Variants in CUL2 observed in about 807,000 individuals in gnomAD.
CUL2 encodes cullin-2.
CUL2 carries 22 observed loss-of-function variants against 110.2 expected under a neutral mutation model. That is an observed-to-expected ratio of 0.20 (90% CI 0.14 to 0.28). CUL2 has a LOEUF of 0.28. CUL2 is among the 10% of genes least tolerant of loss of function. The probability of loss-of-function intolerance (pLI) is 1.00; values close to 1 mark genes in which losing one functional copy is unlikely to be tolerated. For missense variants in CUL2, 631 were observed against 905.5 expected (o/e 0.70, Z 3.89); for synonymous variants, 279 against 293.2 (o/e 0.95, Z 0.49).
chr10:35,091,474 AT>A (rs1183222094), upstream of CUL2, among the ~76,000 whole-genome samples: 1 of 152,156 alleles, frequency 6.6e-6, no homozygotes, highest in Non-Finnish European at 1.5e-5. Flanking sequence ...GTATGTTTCC[AT>A]TATGTGACCT....
At chr10:35,080,458 T>C (rs1369839886) in intron 1 of CUL2, among the ~76,000 whole-genome samples, 1 of 147,672 alleles carries the variant, frequency 6.8e-6, no homozygotes, top group Non-Finnish European at 1.5e-5. Context: ...TATTTATTTA[T>C]TTATTTATTT....
intron 4 of CUL2, 119 bp downstream of exon 4, chr10:35,060,755 G>A: frequency 2.6e-6 from 2 of 781,296 alleles, no homozygotes; most frequent in South Asian, 3.7e-5. Context: ...GTCCATGTCA[G>A]AGAGAATGCT....
chr10:35,112,464 G>C (rs1034048502), intron 1 of CUL2, among the ~76,000 whole-genome samples: 4 of 152,280 alleles, frequency 2.6e-5, no homozygotes, highest in Non-Finnish European at 1.5e-5. Context: ...ACAGAGCATG[G>C]CTCTCTGGCT....
upstream of CUL2, among the ~76,000 whole-genome samples, chr10:35,095,461 C>T (rs528998827): frequency 1.1e-4 from 16 of 152,060 alleles, no homozygotes; most frequent in African/African-American, 3.4e-4. Context: ...TATTTTTATA[C>T]GTATCAGAAC....
intron 1 of CUL2, among the ~76,000 whole-genome samples, chr10:35,113,447 G>A (rs1257986691): frequency 1.7e-5 from 2 of 118,712 alleles, no homozygotes; most frequent in Non-Finnish European, 1.6e-5. Flanking sequence ...GCAGTGAGCC[G>A]ATATCACGCT....
chr10:35,065,807 C>T (rs943472801), intron 2 of CUL2, among the ~76,000 whole-genome samples: 7 of 151,280 alleles, frequency 4.6e-5, no homozygotes, highest in African/African-American at 1.5e-4. Context: ...TGCAGTGAGC[C>T]GAGATCACAC....
In CUL2 at chr10:35,025,214, A is replaced by AC. The variant is rs538007700; in HGVS notation, c.1618-17_1618-16insG. On this transcript the variant is annotated splice_polypyrimidine_tract_variant and intron_variant, in intron 16 of 20. Transcript: ENST00000374749. ...ATAATTCAAACTGTAAAAAAAAAAA[A>AC]AAAACACACATTATTTTTAGCTACT... The AC allele has an allele frequency of 5.3e-4, 823 of 1,561,250 alleles. 3 individuals carry two copies. In the East Asian group the frequency reaches 9.4e-3, roughly 18 times the overall value.
intron 17 of CUL2, 116 bp downstream of exon 17, chr10:35,025,016 G>A: frequency 6.1e-6 from 8 of 1,310,452 alleles, no homozygotes; most frequent in Non-Finnish European, 7.9e-6. Context: ...AATGGGGAAA[G>A]GTTGATGGAG....
intron 17 of CUL2, among the ~76,000 whole-genome samples, chr10:35,019,351 A>G (rs1188784545): frequency 6.6e-6 from 1 of 152,074 alleles, no homozygotes; most frequent in Non-Finnish European, 1.5e-5. Context: ...TATTGAGTTC[A>G]TTCTTTCATT....
intron 1 of CUL2, among the ~76,000 whole-genome samples, chr10:35,107,265 C>A (rs111226391): frequency 6.6e-6 from 1 of 151,578 alleles, no homozygotes; most frequent in Non-Finnish European, 1.5e-5. Flanking sequence ...TGAGCCACCG[C>A]GCCCAGCTGC....
chr10:35,094,234 G>A (rs912974533), upstream of CUL2, among the ~76,000 whole-genome samples: 1 of 134,156 alleles, frequency 7.5e-6, no homozygotes, highest in African/African-American at 2.9e-5. Flanking sequence ...CTAAGTCCTC[G>A]ATAATTTTTT....
At position 35,102,164 on chromosome 10, in the gene CUL2, C is replaced by T. The variant is rs186163212; in HGVS notation, c.-50-1104G>A. ...CTGAGGCAGGAGAATCGCTTGAACC[C>T]GGGAGGCAGAGGTTACAGTGAGCTG... is the stretch of plus-strand genomic sequence containing the variant. On this transcript the variant is annotated intron_variant, in intron 1 of 5. Transcript: ENST00000685421. Among the ~76,000 whole-genome samples the T allele has an allele frequency of 1.4e-4, 21 of 151,334 alleles. No individual in the cohort carries two copies. The East Asian group carries it at 3.3e-3, about 24-fold the overall frequency.
chr10:35,068,779 T>C (rs1052528397), intron 2 of CUL2, among the ~76,000 whole-genome samples: 2 of 152,174 alleles, frequency 1.3e-5, no homozygotes, highest in Admixed American at 1.3e-4. Context: ...ACTTAAGATA[T>C]TAAGGGTCAG....
intron 1 of CUL2, among the ~76,000 whole-genome samples, chr10:35,072,814 C>A (rs548235117): frequency 6.6e-6 from 1 of 152,254 alleles, no homozygotes; most frequent in Non-Finnish European, 1.5e-5. Flanking sequence ...ATTTTTCTGG[C>A]AAATGTTTTA....
Position 35,060,854 on chromosome 10 carries a change from G to A in CUL2, c.317+20C>T. ...CAGGCAACGCTGCTTAGCTTGTCTA[G>A]ATTTTAAAGGCACACTCACCTATAT... On this transcript the variant is annotated intron_variant, in intron 4 of 20. Transcript: ENST00000374749. The A allele has an allele frequency of 6.3e-7, 1 of 1,590,578 alleles. No homozygotes were observed. The highest frequency in any genetic ancestry group is 1.8e-5 in the Admixed American group (1 of 55,218).
At chr10:35,115,754 G>A (rs1172661152) in intron 1 of CUL2, among the ~76,000 whole-genome samples, 1 of 151,580 alleles carries the variant, frequency 6.6e-6, no homozygotes, top group Non-Finnish European at 1.5e-5. Context: ...AAATTAGCTG[G>A]GTGTGGCACA....
chr10:35,022,284 T>C (rs554579634), intron 17 of CUL2, among the ~76,000 whole-genome samples: 29 of 152,366 alleles, frequency 1.9e-4, no homozygotes, highest in African/African-American at 6.7e-4. Context: ...AGTTGTGAGC[T>C]AATAACTCCA....
At chr10:35,074,089 G>T in intron 1 of CUL2, 1 of 1,085,848 alleles carries the variant, frequency 9.2e-7, no homozygotes, top group Non-Finnish European at 1.4e-6. Flanking sequence ...TCCTTGCCAG[G>T]CACCATTCCA....
At position 35,009,567 on chromosome 10, in the gene CUL2, T is replaced by C. The variant is rs1221511649; in HGVS notation, c.*744A>G. On this transcript the variant is annotated 3_prime_UTR_variant, in exon 21 of 21. Coordinates refer to ENST00000374749, the MANE Select transcript of CUL2 (RefSeq NM_003591.4). ...GTCACCAAGCATCCTGCTCACACTC[T>C]GCGATGTCTGTGGAGTAGCACACCA... The C allele has an allele frequency of 6.6e-6, 1 of 152,186 alleles. No homozygotes were observed. The highest frequency in any genetic ancestry group is 2.4e-5 in the African/African-American group (1 of 41,436). 9.4% of individuals were successfully genotyped at this position (152,186 alleles called of 1,614,324 possible). A position where few individuals can be genotyped will look rare whatever the true frequency, so the allele number is the denominator to read the frequency against.
Sources: gnomAD v4.1 joint callset for allele counts (sites outside exome capture counted in the v4.1 genomes callset) on GRCh38, gnomAD v4.1.1 for gene constraint, MANE v1.5 for transcripts, NCBI Gene and HGNC (gene_info 2026-07-23, HGNC 2026-07-21) for gene names.